The following ZNF169 variants were observed in gnomAD, a reference collection of about 807,000 sequenced individuals.
ZNF169 encodes zinc finger protein 169.
ZNF169 carries 11 observed loss-of-function variants against 12.0 expected under a neutral mutation model. The observed-to-expected ratio is 0.92, with a 90% confidence interval of 0.58 to 1.52. The LOEUF (loss-of-function observed/expected upper bound fraction) is 1.52, where lower values mean the gene tolerates loss of function less well. Ranked by LOEUF, ZNF169 falls within the 40% of genes most tolerant of loss-of-function variation. The pLI is 0.00. For synonymous variants in ZNF169, 302 were observed against 286.5 expected (o/e 1.05, Z -0.55); for missense variants, 722 against 744.0 (o/e 0.97, Z 0.34).
chr9:94,289,605 C>T (rs1302084383), intron 2 of ZNF169, among the ~76,000 whole-genome samples: 1 of 152,146 alleles, frequency 6.6e-6, no homozygotes, highest in African/African-American at 2.4e-5. Flanking sequence ...GCCTGGCCAA[C>T]ATGACGAAAC....
At chr9:94,288,241 G>A in intron 2 of ZNF169, 2 of 806,566 alleles carry the variant, frequency 2.5e-6, no homozygotes, top group Non-Finnish European at 4.4e-6. Flanking sequence ...AGTGTTAGGT[G>A]AGAAGGACGA....
chr9:94,299,547 C>T (rs773431920), intron 4 of ZNF169: 21 of 1,333,620 alleles, frequency 1.6e-5, no homozygotes, highest in Middle Eastern at 2.8e-4. Context: ...AGCAAGGGAG[C>T]GGCGCCCAAG....
At chr9:94,299,519 G>C in intron 4 of ZNF169, 7 of 1,319,506 alleles carry the variant, frequency 5.3e-6, no homozygotes, top group Non-Finnish European at 6.7e-6. Context: ...AGGTTTAATA[G>C]GCTTGAGCTG....
chr9:94,297,873 A>T (rs570921623), intron 4 of ZNF169, among the ~76,000 whole-genome samples: 1 of 152,174 alleles, frequency 6.6e-6, no homozygotes, highest in African/African-American at 2.4e-5. Flanking sequence ...GCTCTTAAAA[A>T]TTTGTTCCAG....
intron 1 of ZNF169, among the ~76,000 whole-genome samples, chr9:94,261,722 C>T (rs1448960450): frequency 1.3e-5 from 2 of 152,308 alleles, no homozygotes; most frequent in African/African-American, 2.4e-5. Flanking sequence ...TACTTAACCT[C>T]GTGGAGCTGC....
In ZNF169 at chr9:94,300,554, C is replaced by G; in HGVS notation, c.996C>G (p.Ala332=). ...ECGRGFRQKI[A]LLLHQRTHLE... ...GGCGAGGCTTTCGCCAGAAGATAGC[C>G]CTCCTTCTACACCAGAGGACGCACT... Residue 332 remains alanine, a synonymous_variant, in exon 5 of 5, where the codon GCC becomes GCG. Coordinates refer to ENST00000395395, the MANE Select transcript of ZNF169 (RefSeq NM_194320.4). The G allele has an allele frequency of 3.1e-6, 5 of 1,614,100 alleles. No homozygotes were observed. Among genetic ancestry groups the G allele is most frequent in the Non-Finnish European group, 4.2e-6 (5 of 1,179,988 alleles).
intron 2 of ZNF169, chr9:94,288,384 GC>G: frequency 8.1e-7 from 1 of 1,241,190 alleles, no homozygotes; most frequent in Non-Finnish European, 1.2e-6. Context: ...TTTCCAGACT[GC>G]CCGTCACTTT....
intron 4 of ZNF169, chr9:94,299,354 A>G: frequency 2.3e-6 from 1 of 429,384 alleles, no homozygotes; most frequent in Non-Finnish European, 4.0e-6. Flanking sequence ...GAGTCACCAC[A>G]GTCAAGGAAG....
chr9:94,261,763 A>G (rs1830212087), intron 1 of ZNF169, among the ~76,000 whole-genome samples: 1 of 152,204 alleles, frequency 6.6e-6, no homozygotes, highest in Admixed American at 6.5e-5. Flanking sequence ...AAACTTGTGT[A>G]TGACACTTCT....
At chr9:94,284,071 CAAA>C (rs35204508) in intron 2 of ZNF169, among the ~76,000 whole-genome samples, 4 of 50,440 alleles carry the variant, frequency 7.9e-5, no homozygotes, top group Non-Finnish European at 1.5e-4. Context: ...GACTCTGTCT[CAAA>C]AAAAAAAAAA....
At chr9:94,277,759 G>A (rs1171521996) in intron 1 of ZNF169, among the ~76,000 whole-genome samples, 3 of 151,560 alleles carry the variant, frequency 2.0e-5, no homozygotes, top group Non-Finnish European at 4.4e-5. Context: ...GTGAAACCCC[G>A]TCTCTACTAA....
At chr9:94,294,603 C>T (rs1459855712) in intron 4 of ZNF169, 1 of 152,186 alleles carries the variant, frequency 6.6e-6, no homozygotes, top group Non-Finnish European at 1.5e-5. Flanking sequence ...TCCTCACCAA[C>T]ATTTGGGATT....
intron 2 of ZNF169, among the ~76,000 whole-genome samples, chr9:94,280,870 C>T (rs1401136305): frequency 6.6e-6 from 1 of 152,042 alleles, no homozygotes; most frequent in Admixed American, 6.6e-5. Context: ...AGGGGTGACT[C>T]AGGTCAAAGC....
At chr9:94,270,807 TTA>T (rs1408100057) in intron 1 of ZNF169, among the ~76,000 whole-genome samples, 1 of 29,944 alleles carries the variant, frequency 3.3e-5, no homozygotes, top group South Asian at 1.1e-3. Flanking sequence ...AATATATATA[TTA>T]TATTATATAA....
chr9:94,277,539 G>A (rs1830546088), intron 1 of ZNF169, among the ~76,000 whole-genome samples: 1 of 152,106 alleles, frequency 6.6e-6, no homozygotes. Flanking sequence ...TGGAAAGTAA[G>A]TCATGATATA....
intron 1 of ZNF169, among the ~76,000 whole-genome samples, chr9:94,274,314 G>T (rs1830483555): frequency 6.6e-6 from 1 of 152,148 alleles, no homozygotes; most frequent in Non-Finnish European, 1.5e-5. Context: ...GCCTGGAACA[G>T]CTCCAAGTCA....
Position 94,292,395 on chromosome 9 carries a change from C to T in ZNF169, c.88C>T (p.Leu30=), listed in dbSNP as rs1830860378. The change falls in exon 3 of 5, where the codon CTA becomes TTA. Residue 30 remains leucine, a synonymous_variant. Coordinates refer to ENST00000395395, the MANE Select transcript of ZNF169 (RefSeq NM_194320.4). The part of the protein sequence containing the change: ...AVAFTQKEWK[L]LSSAQRTLYR... ...GGCCTTCACCCAGAAGGAGTGGAAG[C>T]TATTGAGTTCTGCTCAGAGGACCCT... 2.5e-6 allele frequency: 4 copies of T among 1,614,096 alleles called. No homozygotes were observed. Among genetic ancestry groups the T allele is most frequent in the Non-Finnish European group, 3.4e-6 (4 of 1,180,018 alleles).
At chr9:94,273,666 G>C (rs1382759808) in intron 1 of ZNF169, among the ~76,000 whole-genome samples, 1 of 138,576 alleles carries the variant, frequency 7.2e-6, no homozygotes, top group East Asian at 2.1e-4. Flanking sequence ...TGCCAACTCC[G>C]CCTCCCGGGT....
chr9:94,261,549 C>T (rs1469011556), intron 1 of ZNF169, among the ~76,000 whole-genome samples: 1 of 152,246 alleles, frequency 6.6e-6, no homozygotes. Context: ...ACAAATGACT[C>T]ACCTGTCTTC....
Sources: allele counts gnomAD v4.1 joint callset (sites outside exome capture counted in the v4.1 genomes callset), GRCh38; gene constraint gnomAD v4.1.1; transcripts MANE v1.5; gene names NCBI Gene and HGNC (gene_info 2026-07-23, HGNC 2026-07-21).